Variants in SSBP2 observed in about 807,000 individuals in gnomAD.
SSBP2 encodes single-stranded DNA-binding protein 2.
In SSBP2, 17 loss-of-function variants were observed where a neutral mutation model predicts 61.8. That is an observed-to-expected ratio of 0.28 (90% CI 0.19 to 0.41). The LOEUF is 0.41. Among genes scored for constraint, SSBP2 ranks in the 10% least tolerant of loss-of-function variants. SSBP2 has a pLI of 1.00. For missense variants in SSBP2, 310 were observed against 458.7 expected (o/e 0.68, Z 2.96); for synonymous variants, 139 against 141.3 (o/e 0.98, Z 0.12).
chr5:81,492,384 A>C (rs943414079), intron 5 of SSBP2, among the ~76,000 whole-genome samples: 19 of 152,116 alleles, frequency 1.2e-4, no homozygotes, highest in Admixed American at 3.3e-4. Flanking sequence ...CACGCCTGTA[A>C]TCCCAGCTAC....
At chr5:81,431,836 T>C (rs1762309916) in intron 15 of SSBP2, among the ~76,000 whole-genome samples, 1 of 152,160 alleles carries the variant, frequency 6.6e-6, no homozygotes, top group African/African-American at 2.4e-5. Flanking sequence ...TCCTCCTCAC[T>C]TGGCCTCCCA....
At chr5:81,651,883 T>C (rs1426832614) in intron 1 of SSBP2, among the ~76,000 whole-genome samples, 1 of 152,132 alleles carries the variant, frequency 6.6e-6, no homozygotes, top group Non-Finnish European at 1.5e-5. Context: ...AAATTGTATC[T>C]TGGAAAAGGA....
At position 81,746,497 on chromosome 5, in the gene SSBP2, T is replaced by C. The variant is rs182328451; in HGVS notation, c.62+4484A>G. Among the ~76,000 whole-genome samples, 36 of 152,280 alleles carry C rather than the reference T, an allele frequency of 2.4e-4. 1 individual carries two copies. The highest frequency in any genetic ancestry group is 1.2e-3 in the South Asian group (6 of 4,832). The stretch of plus-strand genomic sequence containing the variant: ...CAGAAAGAAAGAAAGGTTTGTCATT[T>C]TTCTTTGCAGGGGGTACCTTAATGA... On this transcript the variant is annotated intron_variant, in intron 1 of 16. Transcript: ENST00000320672.
rs1352778392 is a variant in SSBP2, at chr5:81,581,220, C to T, written c.282+34253G>A. Among the ~76,000 whole-genome samples, 2 of 152,152 alleles carry T rather than the reference C, an allele frequency of 1.3e-5. 1 individual carries two copies. The highest frequency in any genetic ancestry group is 4.2e-4 in the South Asian group (2 of 4,812). On this transcript the variant is annotated intron_variant, in intron 4 of 16. Coordinates refer to ENST00000320672, the MANE Select transcript of SSBP2 (RefSeq NM_012446.5). ...GGTATGCTGTAAGTAAGATCGAGTC[C>T]CTTAAGGCCAGAAATGCTAAACTGG...
intron 4 of SSBP2, among the ~76,000 whole-genome samples, chr5:81,531,392 G>A (rs1445470252): frequency 6.6e-6 from 1 of 151,858 alleles, no homozygotes; most frequent in African/African-American, 2.4e-5. Flanking sequence ...GACACTGGCA[G>A]AATATAAATA....
intron 1 of SSBP2, among the ~76,000 whole-genome samples, chr5:81,697,336 A>T (rs890672233): frequency 6.6e-6 from 1 of 152,212 alleles, no homozygotes; most frequent in African/African-American, 2.4e-5. Context: ...CTGTAGTAGA[A>T]ATGCTTTCAG....
intron 9 of SSBP2, among the ~76,000 whole-genome samples, chr5:81,463,500 G>C (rs1335348855): frequency 6.6e-6 from 1 of 152,024 alleles, no homozygotes; most frequent in Non-Finnish European, 1.5e-5. Context: ...AGGAGTTGAA[G>C]GCCATTCTGA....
intron 4 of SSBP2, among the ~76,000 whole-genome samples, chr5:81,526,692 T>C (rs1301100500): frequency 1.3e-5 from 2 of 152,174 alleles, no homozygotes; most frequent in East Asian, 3.9e-4. Context: ...CATTAATTAA[T>C]GCAAGCTTTT....
At chr5:81,487,327 T>C (rs1766459607) in intron 6 of SSBP2, among the ~76,000 whole-genome samples, 2 of 152,182 alleles carry the variant, frequency 1.3e-5, no homozygotes, top group South Asian at 4.1e-4. Flanking sequence ...TTTTATTCTC[T>C]TCAGCAAATA....
chr5:81,583,367 C>G (rs1043304173), intron 4 of SSBP2, among the ~76,000 whole-genome samples: 3 of 152,080 alleles, frequency 2.0e-5, no homozygotes, highest in Non-Finnish European at 2.9e-5. Context: ...CAGTGGCTCA[C>G]GCTTGTAATC....
At chr5:81,524,579 G>A (rs759113869) in intron 4 of SSBP2, among the ~76,000 whole-genome samples, 2 of 151,928 alleles carry the variant, frequency 1.3e-5, no homozygotes, top group Non-Finnish European at 2.9e-5. Context: ...AGTAAACTAC[G>A]GATCCTAAAA....
At chr5:81,514,169 A>C (rs950935851) in intron 4 of SSBP2, among the ~76,000 whole-genome samples, 1 of 152,138 alleles carries the variant, frequency 6.6e-6, no homozygotes, top group African/African-American at 2.4e-5. Context: ...TTTATGTCAT[A>C]AACAAGTATA....
chr5:81,731,132 T>C (rs533956313), intron 1 of SSBP2, among the ~76,000 whole-genome samples: 1 of 152,332 alleles, frequency 6.6e-6, no homozygotes, highest in South Asian at 2.1e-4. Flanking sequence ...CTTAAGTTTC[T>C]AACTGCTTTT....
At chr5:81,514,117 A>G (rs959887268) in intron 4 of SSBP2, among the ~76,000 whole-genome samples, 2 of 152,144 alleles carry the variant, frequency 1.3e-5, no homozygotes, top group African/African-American at 4.8e-5. Context: ...GGATTGTAGG[A>G]GTTGACAAAA....
chr5:81,657,970 C>T (rs1466246247), intron 1 of SSBP2, among the ~76,000 whole-genome samples: 2 of 151,966 alleles, frequency 1.3e-5, no homozygotes, highest in Non-Finnish European at 2.9e-5. Context: ...AACATGATGT[C>T]TTGATACATG....
At chr5:81,586,773 A>T (rs1443657659) in intron 4 of SSBP2, among the ~76,000 whole-genome samples, 1 of 152,048 alleles carries the variant, frequency 6.6e-6, no homozygotes, top group Non-Finnish European at 1.5e-5. Context: ...AAGGTGGCTC[A>T]TCGTGCCTAC....
At chr5:81,569,797 T>C (rs976276719) in intron 4 of SSBP2, among the ~76,000 whole-genome samples, 2 of 152,212 alleles carry the variant, frequency 1.3e-5, no homozygotes, top group Non-Finnish European at 2.9e-5. Context: ...TGAATAGTCC[T>C]AGTCACTAGA....
At chr5:81,713,066 G>A (rs1273162311) in intron 1 of SSBP2, among the ~76,000 whole-genome samples, 1 of 151,972 alleles carries the variant, frequency 6.6e-6, no homozygotes, top group Admixed American at 6.6e-5. Context: ...TTGCAAGGAT[G>A]AAGAGTCCAC....
intron 4 of SSBP2, among the ~76,000 whole-genome samples, chr5:81,598,448 A>T (rs966570559): frequency 5.3e-5 from 8 of 152,120 alleles, no homozygotes; most frequent in Admixed American, 5.2e-4. Context: ...TCCCTACTAC[A>T]CCCTGTCTGA....
Sources: gnomAD v4.1 joint callset for allele counts (sites outside exome capture counted in the v4.1 genomes callset) on GRCh38, gnomAD v4.1.1 for gene constraint, MANE v1.5 for transcripts, NCBI Gene and HGNC (gene_info 2026-07-23, HGNC 2026-07-21) for gene names.